BCL7C: variants seen among roughly 807,000 people sequenced by gnomAD.
BCL7C encodes B-cell CLL/lymphoma 7 protein family member C.
In BCL7C, 8 loss-of-function variants were observed where a neutral mutation model predicts 26.2. That is an observed-to-expected ratio of 0.30 (90% CI 0.18 to 0.55). The LOEUF is 0.55. Among genes scored for constraint, BCL7C ranks in the 20% least tolerant of loss-of-function variants. BCL7C has a pLI of 0.93. For synonymous variants in BCL7C, 90 were observed against 116.5 expected, an observed-to-expected ratio of 0.77 and a Z score of 1.47; for missense variants, 262 against 298.5, an observed-to-expected ratio of 0.88 and a Z score of 0.90.
intron 5 of BCL7C, among the ~76,000 whole-genome samples, chr16:30,855,871 A>G (rs899952362): frequency 2.7e-5 from 4 of 150,042 alleles, no homozygotes; most frequent in Non-Finnish European, 5.9e-5. Flanking sequence ...GACTAGCCTG[A>G]CCAACATGGA....
At chr16:30,881,436 T>C (rs1328334230) in intron 5 of BCL7C, among the ~76,000 whole-genome samples, 1 of 121,406 alleles carries the variant, frequency 8.2e-6, no homozygotes, top group Admixed American at 7.8e-5. Flanking sequence ...AACAAAAAAT[T>C]AGGAACAAAA....
intron 5 of BCL7C, among the ~76,000 whole-genome samples, chr16:30,860,282 C>T (rs1168109888): frequency 6.6e-6 from 1 of 152,198 alleles, no homozygotes; most frequent in Non-Finnish European, 1.5e-5. Context: ...CTGATCACCG[C>T]GGGGATGTCT....
At chr16:30,883,348 C>T (rs1242053622), downstream of BCL7C, among the ~76,000 whole-genome samples, 2 of 151,694 alleles carry the variant, frequency 1.3e-5, no homozygotes, top group African/African-American at 2.4e-5. Flanking sequence ...TTAAATTTAC[C>T]ATGTTCACTG....
chr16:30,839,153 T>C (rs1291884106), intron 5 of BCL7C, among the ~76,000 whole-genome samples: 1 of 152,216 alleles, frequency 6.6e-6, no homozygotes, highest in Admixed American at 6.5e-5. Context: ...CAGTACATTG[T>C]TTTAAGGAAA....
intron 5 of BCL7C, among the ~76,000 whole-genome samples, chr16:30,848,096 G>A (rs1176169047): frequency 6.6e-6 from 1 of 152,104 alleles, no homozygotes; most frequent in Non-Finnish European, 1.5e-5. Context: ...TACTTGGCTG[G>A]TTGACTGGAA....
At chr16:30,886,602 CAG>C, downstream of BCL7C, among the ~76,000 whole-genome samples, 1 of 152,294 alleles carries the variant, frequency 6.6e-6, no homozygotes, top group African/African-American at 2.4e-5. Context: ...GTAGACAAGA[CAG>C]ACACACAAAC....
chr16:30,877,839 G>A (rs1357590869), intron 5 of BCL7C, among the ~76,000 whole-genome samples: 2 of 152,124 alleles, frequency 1.3e-5, no homozygotes, highest in African/African-American at 4.8e-5. Flanking sequence ...ACAGCTCCAA[G>A]CTTTGCAGCA....
intron 5 of BCL7C, among the ~76,000 whole-genome samples, chr16:30,857,006 T>A (rs2054728212): frequency 6.6e-6 from 1 of 152,206 alleles, no homozygotes; most frequent in East Asian, 1.9e-4. Flanking sequence ...GTTAAACAGT[T>A]GTCACTGCCT....
chr16:30,863,653 A>C (rs1333389824), intron 5 of BCL7C, among the ~76,000 whole-genome samples: 5 of 152,084 alleles, frequency 3.3e-5, no homozygotes, highest in Admixed American at 3.3e-4. Context: ...CTCATCGGTC[A>C]CGCCCACCTA....
chr16:30,884,173 G>A (rs1238466681), downstream of BCL7C, among the ~76,000 whole-genome samples: 3 of 150,932 alleles, frequency 2.0e-5, no homozygotes, highest in African/African-American at 7.3e-5. Context: ...GAGGGTGGGG[G>A]CATGCCTGGG....
At chr16:30,886,161 A>G (rs148699621), downstream of BCL7C, among the ~76,000 whole-genome samples, 82 of 152,284 alleles carry the variant, frequency 5.4e-4, no homozygotes, top group Middle Eastern at 6.8e-3. Context: ...ATGCTTCTTT[A>G]AAGTTCCAAT....
At chr16:30,839,901 G>T (rs1160965535) in intron 5 of BCL7C, among the ~76,000 whole-genome samples, 1 of 152,192 alleles carries the variant, frequency 6.6e-6, no homozygotes, top group African/African-American at 2.4e-5. Context: ...AATATTATTT[G>T]TTTCATGAAA....
intron 5 of BCL7C, among the ~76,000 whole-genome samples, chr16:30,848,319 C>A (rs918757386): frequency 1.3e-5 from 2 of 152,148 alleles, no homozygotes; most frequent in Admixed American, 6.5e-5. Context: ...TTGAGAAGTT[C>A]TCTGGTTGCT....
intron 5 of BCL7C, among the ~76,000 whole-genome samples, chr16:30,860,160 C>T (rs1294171538): frequency 2.0e-5 from 3 of 152,230 alleles, no homozygotes; most frequent in Admixed American, 6.5e-5. Context: ...ACATTTTATC[C>T]GTGGACCCAA....
In BCL7C at chr16:30,890,760, C is replaced by T. The variant is rs538811683; in HGVS notation, c.443-1815G>A. 1.9e-4 allele frequency among the ~76,000 whole-genome samples: 29 copies of T among 151,374 alleles called. No individual in the cohort carries two copies. The South Asian group carries it at 4.4e-3, about 23-fold the overall frequency. Reference sequence around the variant, plus strand: ...CAGCACTTTGGGAGGCTGAGGCAGGCGGATCACCTGAAGTCGGGAGTTCGA... The same window carrying T: ...CAGCACTTTGGGAGGCTGAGGCAGGTGGATCACCTGAAGTCGGGAGTTCGA... On this transcript the variant is annotated intron_variant, in intron 4 of 5. Coordinates refer to ENST00000215115, the MANE Select transcript of BCL7C (RefSeq NM_004765.4).
At chr16:30,859,611 A>G (rs1311658524) in intron 5 of BCL7C, among the ~76,000 whole-genome samples, 1 of 152,018 alleles carries the variant, frequency 6.6e-6, no homozygotes. Flanking sequence ...ACTCTAACTG[A>G]TACGATATAT....
downstream of BCL7C, among the ~76,000 whole-genome samples, chr16:30,886,496 C>T (rs1174312370): frequency 6.6e-6 from 1 of 152,158 alleles, no homozygotes; most frequent in East Asian, 1.9e-4. Context: ...CCTGGAAAAC[C>T]CCAGCCCATT....
intron 5 of BCL7C, among the ~76,000 whole-genome samples, chr16:30,866,192 T>C: frequency 6.6e-6 from 1 of 152,046 alleles, no homozygotes; most frequent in East Asian, 1.9e-4. Flanking sequence ...TTGGCAAGCA[T>C]AATATTTTGA....
In BCL7C at chr16:30,887,840, G is replaced by A. The variant is rs769054477; in HGVS notation, c.*25C>T. ...GTAAAAAGCCAAAGGGGCCCCTGGG[G>A]CAACAGGACAGGCAGGCCGGCTTCT... On this transcript the variant is annotated 3_prime_UTR_variant, in exon 6 of 6. Transcript: ENST00000215115. 6.5e-7 allele frequency: 1 copy of A among 1,542,434 alleles called. No homozygotes were observed. Among genetic ancestry groups the A allele is most frequent in the Non-Finnish European group, 8.7e-7 (1 of 1,151,928 alleles).
Sources: allele counts gnomAD v4.1 joint callset (sites outside exome capture counted in the v4.1 genomes callset), GRCh38; gene constraint gnomAD v4.1.1; transcripts MANE v1.5; gene names NCBI Gene and HGNC (gene_info 2026-07-23, HGNC 2026-07-21).